The following EIF5 variants were observed in gnomAD, a reference collection of about 807,000 sequenced individuals.
EIF5 encodes eukaryotic translation initiation factor 5.
In EIF5, 10 loss-of-function variants were observed where a neutral mutation model predicts 48.3. The observed-to-expected ratio is 0.21, with a 90% CI of 0.13 to 0.35. EIF5 has a LOEUF of 0.35. Among genes scored for constraint, EIF5 ranks in the 10% least tolerant of loss-of-function variants. The probability of loss-of-function intolerance (pLI) is 1.00; values close to 1 mark genes in which losing one functional copy is unlikely to be tolerated. For missense variants in EIF5, 397 were observed against 533.2 expected, an observed-to-expected ratio of 0.74 and a Z score of 2.51; for synonymous variants, 237 against 173.1, an observed-to-expected ratio of 1.37 and a Z score of -2.90.
chr14:103,339,277 C>A lies in EIF5; in HGVS notation c.850C>A (p.Leu284Ile), dbSNP rs373792770. The A allele has an allele frequency of 9.9e-6, 16 of 1,610,216 alleles. No individual in the cohort carries two copies. In the East Asian group the frequency reaches 1.3e-4, roughly 13 times the overall value. Reference protein sequence around the residue: ...AMGPLVLTEVLFNEKIREQIK... With the variant: ...AMGPLVLTEVIFNEKIREQIK... ...GGGCCCTCTTGTTCTAACTGAAGTT[C>A]TTTTTAATGAGAAGATTAGAGAACA... Residue 284 changes from leucine (L) to isoleucine (I), a missense_variant, in exon 9 of 12, where the codon CTT (leucine) becomes ATT (isoleucine). Coordinates refer to ENST00000216554, the MANE Select transcript of EIF5 (RefSeq NM_001969.5).
At chr14:103,338,639 T>C (rs1179305463) in intron 7 of EIF5, 96 bp from the exon 8 acceptor site, 1 of 1,536,278 alleles carries the variant, frequency 6.5e-7, no homozygotes, top group East Asian at 2.3e-5. Flanking sequence ...CAATTTTGGA[T>C]GGAGATGGAC....
chr14:103,338,095 C>G, intron 6 of EIF5: 1 of 653,148 alleles, frequency 1.5e-6, no homozygotes, highest in Non-Finnish European at 2.7e-6. Flanking sequence ...TCTTTCTTAG[C>G]AGTTACAATA....
chr14:103,337,828 T>G (rs182987635), intron 6 of EIF5: 29 of 507,752 alleles, frequency 5.7e-5, no homozygotes, highest in Non-Finnish European at 1.0e-4. Flanking sequence ...GAGGGCCCCC[T>G]TCATTAAACT....
Position 103,343,946 on chromosome 14 carries a change from C to G in EIF5, c.*2894C>G, listed in dbSNP as rs561900141. 6.6e-6 allele frequency: 1 copy of G among 152,178 alleles called. No individual in the cohort carries two copies. Among genetic ancestry groups the G allele is most frequent in the Non-Finnish European group, 1.5e-5 (1 of 68,042 alleles). 9.4% of individuals were successfully genotyped at this position (152,178 alleles called of 1,614,324 possible). ...AGTAACCAGCAAATGCAAAGTTGACCTTGTTCCTGCATCATCTTTTTGATG... is the reference window on the plus strand; with the variant it reads ...AGTAACCAGCAAATGCAAAGTTGACGTTGTTCCTGCATCATCTTTTTGATG... On this transcript the variant is annotated 3_prime_UTR_variant, in exon 12 of 12. Coordinates refer to ENST00000216554, the MANE Select transcript of EIF5 (RefSeq NM_001969.5).
rs555194323 is a variant in EIF5 at position 103,336,606 on chromosome 14, G to A, written c.155-71G>A. The A allele has an allele frequency of 1.9e-4, 279 of 1,450,436 alleles. 3 individuals are homozygous for A. In the South Asian group the frequency reaches 3.7e-3, roughly 19 times the overall value. The allele number at this position is 1,450,436 out of a possible 1,614,324, so 89.8% of individuals were successfully genotyped here. ...CAAAAAAAAAAAAAAAGTGGTGTTCGTACAAATGTGAGTGAGTAGCCAGAG... is the reference window on the plus strand; with the variant it reads ...CAAAAAAAAAAAAAAAGTGGTGTTCATACAAATGTGAGTGAGTAGCCAGAG... On this transcript the variant is annotated intron_variant, in intron 4 of 11. Transcript: ENST00000216554.
rs780068905 is a variant in EIF5 at position 103,337,884 on chromosome 14, GAC to G, written c.440-439_440-438del. 3.5e-4 allele frequency: 184 copies of G among 521,276 alleles called. 1 individual carries two copies. Among genetic ancestry groups the G allele is most frequent in the African/African-American group, 3.3e-3 (174 of 52,132 alleles). 32.3% of individuals were successfully genotyped at this position (521,276 alleles called of 1,614,324 possible). A position where few individuals can be genotyped will look rare whatever the true frequency, so the allele number is the denominator to read the frequency against. ...CTGTGGCAGATGATCAAAACTGTCT[GAC>G]ACAATTTGAGCTTGCTATAGCAAGA... is the stretch of plus-strand genomic sequence containing the variant. On this transcript the variant is annotated intron_variant, in intron 6 of 11. Coordinates refer to ENST00000216554, the MANE Select transcript of EIF5 (RefSeq NM_001969.5).
Position 103,342,845 on chromosome 14 carries a change from TC to T in EIF5, c.*1794del, listed in dbSNP as rs2089369847. On this transcript the variant is annotated 3_prime_UTR_variant, in exon 12 of 12. Coordinates refer to ENST00000216554, the MANE Select transcript of EIF5 (RefSeq NM_001969.5). ...TCTTTGCCGCAAGGCTGATCTGCTT[TC>T]ATTAACTGGAATTCTGTAGGAGATA... 1 of 152,670 alleles carries T rather than the reference TC, an allele frequency of 6.6e-6. No homozygotes were observed. The highest frequency in any genetic ancestry group is 2.4e-5 in the African/African-American group (1 of 41,464). 9.5% of individuals were successfully genotyped at this position (152,670 alleles called of 1,614,324 possible).
At chr14:103,340,337 C>A in intron 10 of EIF5, 90 bp from the exon 11 acceptor site, 2 of 1,416,508 alleles carry the variant, frequency 1.4e-6, no homozygotes, top group Non-Finnish European at 9.7e-7. Flanking sequence ...TGTTAGGACC[C>A]AGTCCCCTCA....
chr14:103,337,048 GT>G (rs1408477360), intron 5 of EIF5, 67 bp from the exon 6 acceptor site: 3 of 1,459,592 alleles, frequency 2.1e-6, no homozygotes, highest in African/African-American at 1.4e-5. Context: ...GCTGTCTGTG[GT>G]TTAGATGTCC....
Position 103,340,418 on chromosome 14 carries a change from A to G in EIF5, c.1072-9A>G, listed in dbSNP as rs766719000. On this transcript the variant is annotated splice_polypyrimidine_tract_variant and intron_variant, in intron 10 of 11. Coordinates refer to ENST00000216554, the MANE Select transcript of EIF5 (RefSeq NM_001969.5). ...CCTCAACTAAGAGACTTGTACTCAC[A>G]TTTTTTAGGCCTCTAAGAAATATGT... 4.4e-6 allele frequency: 7 copies of G among 1,596,880 alleles called. No individual in the cohort carries two copies. The highest frequency in any genetic ancestry group is 1.7e-5 in the Admixed American group (1 of 59,688).
chr14:103,338,080 CTT>C lies in EIF5; in HGVS notation c.440-246_440-245del, dbSNP rs764702644. The C allele has an allele frequency of 8.1e-4, 500 of 615,242 alleles. 4 individuals are homozygous for C. Among genetic ancestry groups the C allele is most frequent in the Non-Finnish European group, 1.1e-3 (395 of 344,036 alleles). 38.1% of individuals were successfully genotyped at this position (615,242 alleles called of 1,614,324 possible). A position where few individuals can be genotyped will look rare whatever the true frequency, so the allele number is the denominator to read the frequency against. On this transcript the variant is annotated intron_variant, in intron 6 of 11. Transcript: ENST00000216554. ...CCTAGTGGAGGCATCATCACTTCATCTTACTCTTTCTTAGCAGTTACAATACC... is the reference window on the plus strand; with the variant it reads ...CCTAGTGGAGGCATCATCACTTCATCACTCTTTCTTAGCAGTTACAATACC...
At position 103,336,099 on chromosome 14, in the gene EIF5, C is replaced by T. The variant is rs1345678235; in HGVS notation, c.136C>T (p.Leu46Phe). Residue 46 changes from leucine (L) to phenylalanine (F), a missense_variant, in exon 4 of 12, where the codon CTT becomes TTT. Coordinates refer to ENST00000216554, the MANE Select transcript of EIF5 (RefSeq NM_001969.5). Reference protein sequence around the residue: ...IVNMVDVAKALNRPPTYPTKY... With the variant: ...IVNMVDVAKAFNRPPTYPTKY... ...CAACATGGTTGACGTTGCAAAGGCG[C>T]TTAATCGGCCTCCAACGTGTAAGTA... is the stretch of plus-strand genomic sequence containing the variant. The T allele has an allele frequency of 3.7e-6, 6 of 1,614,156 alleles. No homozygotes were observed. The highest frequency in any genetic ancestry group is 4.2e-6 in the Non-Finnish European group (5 of 1,180,022).
intron 8 of EIF5, 33 bp downstream of exon 8, chr14:103,338,926 C>T: frequency 6.2e-7 from 1 of 1,606,034 alleles, no homozygotes; most frequent in Non-Finnish European, 8.5e-7. Flanking sequence ...AAATCAGCTT[C>T]AACCCAGCCT....
At position 103,342,160 on chromosome 14, in the gene EIF5, A is replaced by T. The variant is rs975234543; in HGVS notation, c.*1108A>T. ...CTTTTTCTTTTTTTTTTCTTCCAGA[A>T]TGTCTTATTTAAAAAGAAAGCTAAA... is the stretch of plus-strand genomic sequence containing the variant. On this transcript the variant is annotated 3_prime_UTR_variant, in exon 12 of 12. Coordinates refer to ENST00000216554, the MANE Select transcript of EIF5 (RefSeq NM_001969.5). 2 of 152,320 alleles carry T rather than the reference A, an allele frequency of 1.3e-5. No homozygotes were observed. The highest frequency in any genetic ancestry group is 2.9e-5 in the Non-Finnish European group (2 of 67,988). 9.4% of individuals were successfully genotyped at this position (152,320 alleles called of 1,614,324 possible).
Position 103,340,573 on chromosome 14 carries a change from G to A in EIF5, c.1206+12G>A. The A allele has an allele frequency of 6.2e-7, 1 of 1,606,446 alleles. No homozygotes were observed. Among genetic ancestry groups the A allele is most frequent in the Non-Finnish European group, 8.5e-7 (1 of 1,173,438 alleles). On this transcript the variant is annotated intron_variant, in intron 11 of 11. Transcript: ENST00000216554. ...ATGAGAACATTGAGGTAAACATTGGGGGAGGAGGGTATTGGATACAGTGCT... is the reference window on the plus strand; with the variant it reads ...ATGAGAACATTGAGGTAAACATTGGAGGAGGAGGGTATTGGATACAGTGCT...
At position 103,338,716 on chromosome 14, in the gene EIF5, G is replaced by A. The variant is rs537681270; in HGVS notation, c.586-19G>A. On this transcript the variant is annotated intron_variant, in intron 7 of 11. Coordinates refer to ENST00000216554, the MANE Select transcript of EIF5 (RefSeq NM_001969.5). ...TGTTTTTAAGGCCTTTGATCAAGTA[G>A]CTCTGTTTTCATAAACAGGAAGAAG... 4.3e-6 allele frequency: 7 copies of A among 1,610,642 alleles called. No homozygotes were observed. The highest frequency in any genetic ancestry group is 1.7e-5 in the Admixed American group (1 of 59,164).
In EIF5 at chr14:103,341,706, G is replaced by A. The variant is rs2089354635; in HGVS notation, c.*654G>A. 1 of 152,296 alleles carries A rather than the reference G, an allele frequency of 6.6e-6. No individual in the cohort carries two copies. Among genetic ancestry groups the A allele is most frequent in the African/African-American group, 2.4e-5 (1 of 41,446 alleles). 9.4% of individuals were successfully genotyped at this position (152,296 alleles called of 1,614,324 possible). ...GTAAGAGCAGGATTTGAAACTTGGA[G>A]AGCTGTTTTCTCATTTCATGTACAC... On this transcript the variant is annotated 3_prime_UTR_variant, in exon 12 of 12. Coordinates refer to ENST00000216554, the MANE Select transcript of EIF5 (RefSeq NM_001969.5).
At chr14:103,336,188 C>T (rs2089283288) in intron 4 of EIF5, 71 bp downstream of exon 4, 2 of 1,456,716 alleles carry the variant, frequency 1.4e-6, no homozygotes, top group Non-Finnish European at 1.9e-6. Flanking sequence ...AGCTGCAAAA[C>T]TTGTTCTAAT....
chr14:103,336,632 A>G, intron 4 of EIF5, 45 bp from the exon 5 acceptor site: 1 of 1,544,514 alleles, frequency 6.5e-7, no homozygotes, highest in African/African-American at 1.4e-5. Context: ...GTAGCCAGAG[A>G]TCTAGTTAAC....
Sources: allele counts gnomAD v4.1 joint callset, GRCh38; gene constraint gnomAD v4.1.1; transcripts MANE v1.5; gene names NCBI Gene and HGNC (gene_info 2026-07-23, HGNC 2026-07-21).